The following EZH2 variants were observed in gnomAD, a reference collection of about 807,000 sequenced individuals.
EZH2 encodes enhancer of zeste 2 polycomb repressive complex 2 subunit.
EZH2 carries 18 observed loss-of-function variants against 98.4 expected under a neutral mutation model. That is an observed-to-expected ratio of 0.18 (90% CI 0.13 to 0.27). The LOEUF is 0.27. Among genes scored for constraint, EZH2 ranks in the 10% least tolerant of loss-of-function variants. The pLI is 1.00. For missense variants in EZH2, 470 were observed against 935.1 expected (o/e 0.50, Z 6.49); for synonymous variants, 338 against 312.3 (o/e 1.08, Z -0.87).
At chr7:148,872,224 A>C (rs1410983319) in intron 1 of EZH2, among the ~76,000 whole-genome samples, 1 of 152,260 alleles carries the variant, frequency 6.6e-6, no homozygotes, top group Non-Finnish European at 1.5e-5. Context: ...AAGCAAAATA[A>C]GCTAATCACA....
At chr7:148,846,335 G>T in intron 3 of EZH2, 135 bp downstream of exon 3, 2 of 855,816 alleles carry the variant, frequency 2.3e-6, no homozygotes, top group Non-Finnish European at 3.5e-6. Context: ...ATTAACAGTT[G>T]CACATTAAAA....
Position 148,835,045 on chromosome 7 carries a change from T to C in EZH2, c.247-2295A>G, listed in dbSNP as rs1160625299. On this transcript the variant is annotated intron_variant, in intron 3 of 19. Transcript: ENST00000320356. ...TGACTGCAACACCCGTGAGCTTAAT[T>C]AATTACTGCACTGTAGTTCTTGCCC... 2.0e-5 allele frequency among the ~76,000 whole-genome samples: 3 copies of C among 152,238 alleles called. No individual in the cohort carries two copies. In the East Asian group the frequency reaches 5.8e-4, roughly 29 times the overall value.
At chr7:148,814,824 G>T in intron 14 of EZH2, 90 bp downstream of exon 14, 1 of 1,426,712 alleles carries the variant, frequency 7.0e-7, no homozygotes, top group Non-Finnish European at 9.5e-7. Flanking sequence ...ACAAGGGAGT[G>T]CTCCCATGTT....
intron 1 of EZH2, among the ~76,000 whole-genome samples, chr7:148,849,183 T>A (rs1488871837): frequency 1.3e-5 from 2 of 152,068 alleles, no homozygotes; most frequent in Non-Finnish European, 2.9e-5. Flanking sequence ...AACTCACGGA[T>A]ATGGAAGGCT....
At chr7:148,830,634 A>G (rs544385648) in intron 4 of EZH2, among the ~76,000 whole-genome samples, 2 of 152,342 alleles carry the variant, frequency 1.3e-5, no homozygotes, top group African/African-American at 4.8e-5. Context: ...AAAATATTTC[A>G]ATATTTAGAT....
intron 3 of EZH2, among the ~76,000 whole-genome samples, chr7:148,846,179 G>A (rs1030690126): frequency 2.0e-5 from 3 of 152,158 alleles, no homozygotes; most frequent in South Asian, 2.1e-4. Flanking sequence ...GTGATCTGAT[G>A]AGGACATTAA....
At position 148,817,210 on chromosome 7, in the gene EZH2, C is replaced by T. The variant is rs780202460; in HGVS notation, c.1410+12G>A. The T allele has an allele frequency of 1.1e-5, 18 of 1,601,000 alleles. No homozygotes were observed. The highest frequency in any genetic ancestry group is 1.7e-4 in the Middle Eastern group (1 of 6,006). ...GAAGCTCTTTTAACAACATTTTTATCGGATATCTTACCTGTCTACATGTTT... is the reference window on the plus strand; with the variant it reads ...GAAGCTCTTTTAACAACATTTTTATTGGATATCTTACCTGTCTACATGTTT... On this transcript the variant is annotated intron_variant, in intron 11 of 19. Transcript: ENST00000320356.
At chr7:148,870,096 T>G (rs374934734) in intron 1 of EZH2, among the ~76,000 whole-genome samples, 1 of 152,188 alleles carries the variant, frequency 6.6e-6, no homozygotes, top group Non-Finnish European at 1.5e-5. Context: ...AGTTCTCTAT[T>G]TCAGGCAAAT....
chr7:148,851,245 G>A lies in EZH2; in HGVS notation c.-7-3940C>T, dbSNP rs563550745. On this transcript the variant is annotated intron_variant, in intron 1 of 19. Transcript: ENST00000320356. ...AACCCCCCGCAAAAGGAGATAAATCGCAGGGTCAGTTAGGACCCTGTGGTT... is the reference window on the plus strand; with the variant it reads ...AACCCCCCGCAAAAGGAGATAAATCACAGGGTCAGTTAGGACCCTGTGGTT... Among the ~76,000 whole-genome samples the A allele has an allele frequency of 5.9e-5, 9 of 152,210 alleles. No homozygotes were observed. The South Asian group carries it at 1.0e-3, about 18-fold the overall frequency.
At chr7:148,833,443 C>T (rs949584778) in intron 3 of EZH2, among the ~76,000 whole-genome samples, 37 of 144,026 alleles carry the variant, frequency 2.6e-4, no homozygotes, top group Admixed American at 8.6e-4. Flanking sequence ...GGCGACAGAG[C>T]GAAACTCCGT....
At chr7:148,863,108 G>T (rs1165548813) in intron 1 of EZH2, among the ~76,000 whole-genome samples, 1 of 147,914 alleles carries the variant, frequency 6.8e-6, no homozygotes, top group Non-Finnish European at 1.5e-5. Context: ...AAGAAAGAAA[G>T]AAAGAAAAAA....
intron 3 of EZH2, among the ~76,000 whole-genome samples, chr7:148,838,364 T>C (rs1216881193): frequency 6.6e-6 from 1 of 152,170 alleles, no homozygotes; most frequent in African/African-American, 2.4e-5. Flanking sequence ...ATCACAAACA[T>C]GCAAACCTAC....
intron 3 of EZH2, among the ~76,000 whole-genome samples, chr7:148,843,906 T>C (rs528262441): frequency 2.0e-5 from 3 of 152,258 alleles, no homozygotes; most frequent in Admixed American, 6.5e-5. Context: ...AATGGGAGTA[T>C]AAGTTTAAGA....
In EZH2 at chr7:148,871,142, T is replaced by C. The variant is rs150895373; in HGVS notation, c.-8+13022A>G. ...AATGCAAATCAAAACCACAATGAGA[T>C]AGCACCTCACACCCATTATGTTGGC... On this transcript the variant is annotated intron_variant, in intron 1 of 19. Transcript: ENST00000320356. Among the ~76,000 whole-genome samples, 746 of 152,146 alleles carry C rather than the reference T, an allele frequency of 4.9e-3. 5 individuals are homozygous for C. Among genetic ancestry groups the C allele is most frequent in the African/African-American group, 0.017 (723 of 41,536 alleles).
intron 17 of EZH2, among the ~76,000 whole-genome samples, chr7:148,809,596 G>T (rs1337099362): frequency 6.6e-6 from 1 of 150,684 alleles, no homozygotes; most frequent in Non-Finnish European, 1.5e-5. Context: ...TATAATTCAA[G>T]ATGGTTATCT....
intron 8 of EZH2, among the ~76,000 whole-genome samples, 200 bp from the exon 9 acceptor site, chr7:148,819,887 A>C (rs1224670245): frequency 6.6e-6 from 1 of 152,238 alleles, no homozygotes; most frequent in African/African-American, 2.4e-5. Flanking sequence ...ACCATTAAGC[A>C]GGAAGGAAAA....
At chr7:148,848,778 T>C (rs73747703) in intron 1 of EZH2, among the ~76,000 whole-genome samples, 3,715 of 152,282 alleles carry the variant, frequency 0.024, 146 homozygotes, top group African/African-American at 0.086. Flanking sequence ...GGGAAAAATA[T>C]AGTATGAGAT....
At chr7:148,853,412 G>A (rs866251211) in intron 1 of EZH2, among the ~76,000 whole-genome samples, 1 of 151,690 alleles carries the variant, frequency 6.6e-6, no homozygotes, top group African/African-American at 2.4e-5. Flanking sequence ...ACGAGACTCC[G>A]TCTCCAAAAA....
At chr7:148,852,861 C>T (rs1219192205) in intron 1 of EZH2, among the ~76,000 whole-genome samples, 4 of 152,054 alleles carry the variant, frequency 2.6e-5, no homozygotes. Flanking sequence ...ACCATATATA[C>T]AGTTGTTCCT....
Sources: allele counts gnomAD v4.1 joint callset (sites outside exome capture counted in the v4.1 genomes callset), GRCh38; gene constraint gnomAD v4.1.1; transcripts MANE v1.5; gene names NCBI Gene and HGNC (gene_info 2026-07-23, HGNC 2026-07-21).